PRKN: variants seen among roughly 807,000 people sequenced by gnomAD.
PRKN encodes the protein E3 ubiquitin-protein ligase parkin.
Under a neutral mutation model 59.5 loss-of-function variants are expected in PRKN, and 56 were observed. The ratio of observed to expected loss-of-function variants is 0.94; its 90% CI spans 0.76 to 1.18. The LOEUF is 1.18. Among genes scored for constraint, PRKN ranks in the 50% most tolerant of loss-of-function variants. The probability of loss-of-function intolerance (pLI) is 0.00; values close to 1 mark genes in which losing one functional copy is unlikely to be tolerated. For missense variants in PRKN, 657 were observed against 596.4 expected, an observed-to-expected ratio of 1.10 and a Z score of -1.06; for synonymous variants, 250 against 222.1, an observed-to-expected ratio of 1.13 and a Z score of -1.12.
intron 5 of PRKN, among the ~76,000 whole-genome samples, chr6:162,004,656 G>C (rs1434508355): frequency 2.6e-5 from 4 of 152,142 alleles, no homozygotes; most frequent in Non-Finnish European, 5.9e-5. Flanking sequence ...TTGCAAAATT[G>C]TAGCTTCAGA....
At chr6:162,437,581 C>G (rs1789839903) in intron 2 of PRKN, among the ~76,000 whole-genome samples, 1 of 152,148 alleles carries the variant, frequency 6.6e-6, no homozygotes, top group African/African-American at 2.4e-5. Flanking sequence ...CTCCTCTCAC[C>G]TGCTTCCACC....
intron 6 of PRKN, among the ~76,000 whole-genome samples, chr6:161,798,285 G>C (rs2128209900): frequency 6.6e-6 from 1 of 152,270 alleles, no homozygotes; most frequent in Non-Finnish European, 1.5e-5. Context: ...TTCATGCAAA[G>C]ATGTGACTGT....
chr6:162,726,224 T>C (rs775165021), intron 1 of PRKN, among the ~76,000 whole-genome samples: 7 of 152,204 alleles, frequency 4.6e-5, no homozygotes, highest in Non-Finnish European at 7.3e-5. Flanking sequence ...TCTCTTAAAA[T>C]TATCTGTGCA....
At position 161,527,916 on chromosome 6, in the gene PRKN, G is replaced by A. The variant is rs541980054; in HGVS notation, c.1083+20938C>T. Among the ~76,000 whole-genome samples the A allele has an allele frequency of 1.3e-3, 197 of 152,282 alleles. No homozygotes were observed. Among genetic ancestry groups the A allele is most frequent in the African/African-American group, 4.5e-3 (188 of 41,558 alleles). On this transcript the variant is annotated intron_variant, in intron 9 of 11. Transcript: ENST00000366898. The surrounding 1 kb of genome is among the most constrained non-coding windows in gnomAD (Gnocchi z 4.6). ...TTACCCCAAGGCCACAGGCATTACT[G>A]CCTCCTTTAACACAGCACTGCTTTT...
intron 4 of PRKN, among the ~76,000 whole-genome samples, chr6:162,067,805 G>A (rs1388438597): frequency 6.6e-6 from 1 of 152,220 alleles, no homozygotes; most frequent in Non-Finnish European, 1.5e-5. Flanking sequence ...CTGAGGCTTG[G>A]AGATGCTGAG....
chr6:162,233,827 T>C (rs1253671335), intron 3 of PRKN, among the ~76,000 whole-genome samples: 1 of 152,094 alleles, frequency 6.6e-6, no homozygotes, highest in African/African-American at 2.4e-5. Context: ...GAGAAGGAGA[T>C]ACGAATGGAC....
At chr6:162,261,009 T>C (rs1050842486) in intron 3 of PRKN, among the ~76,000 whole-genome samples, 5 of 152,106 alleles carry the variant, frequency 3.3e-5, no homozygotes, top group African/African-American at 1.2e-4. Flanking sequence ...CAACTGTACA[T>C]GTGAGACACC....
intron 4 of PRKN, among the ~76,000 whole-genome samples, chr6:162,112,243 C>T (rs1373696860): frequency 5.3e-5 from 8 of 152,160 alleles, no homozygotes; most frequent in African/African-American, 1.9e-4. Flanking sequence ...ATTGTGGTAA[C>T]ATTCTTAAAG....
chr6:162,590,777 A>G (rs1781272657), intron 1 of PRKN, among the ~76,000 whole-genome samples: 1 of 152,132 alleles, frequency 6.6e-6, no homozygotes, highest in Non-Finnish European at 1.5e-5. Flanking sequence ...GTGAAAAAAC[A>G]AAACAAAAAC....
At chr6:162,065,324 C>A (rs564023704) in intron 4 of PRKN, among the ~76,000 whole-genome samples, 108 of 152,210 alleles carry the variant, frequency 7.1e-4, no homozygotes, top group African/African-American at 1.8e-3. Context: ...TGTCCAAGGG[C>A]AGGAGGAATG....
chr6:161,513,227 C>T (rs1778458743), intron 9 of PRKN, among the ~76,000 whole-genome samples: 1 of 152,058 alleles, frequency 6.6e-6, no homozygotes, highest in African/African-American at 2.4e-5. Context: ...CTTAAAGATA[C>T]ATGTTTTGTT....
At chr6:162,611,959 G>T (rs1400772391) in intron 1 of PRKN, among the ~76,000 whole-genome samples, 1 of 151,972 alleles carries the variant, frequency 6.6e-6, no homozygotes, top group East Asian at 1.9e-4. Flanking sequence ...GCCAAGGCGG[G>T]CGTATCATAA....
At chr6:162,463,761 T>C (rs573824137) in intron 1 of PRKN, among the ~76,000 whole-genome samples, 4 of 152,292 alleles carry the variant, frequency 2.6e-5, no homozygotes, top group South Asian at 2.1e-4. Context: ...GCTGAGTGAC[T>C]GTATATGATT....
chr6:162,662,882 G>A (rs1452912249), intron 1 of PRKN, among the ~76,000 whole-genome samples: 1 of 152,084 alleles, frequency 6.6e-6, no homozygotes, highest in Non-Finnish European at 1.5e-5. Context: ...TGATTCTGTT[G>A]CACACTGTAG....
intron 3 of PRKN, among the ~76,000 whole-genome samples, chr6:162,226,812 G>A (rs1376169423): frequency 1.3e-5 from 2 of 152,170 alleles, no homozygotes; most frequent in Admixed American, 6.5e-5. Context: ...ATTAACTTGA[G>A]CCTAAGAATT....
intron 9 of PRKN, among the ~76,000 whole-genome samples, chr6:161,517,765 A>AAAAAAAAAT (rs1562499845): frequency 7.0e-6 from 1 of 143,706 alleles, no homozygotes; most frequent in African/African-American, 2.6e-5. Flanking sequence ...AAAAAAAAAA[A>AAAAAAAAAT]GAGTTGAGGT....
rs776121787 is a variant in PRKN at position 161,458,913 on chromosome 6, G to GC, written c.1084-72037_1084-72036insG. ...TATAATTACCAGAAGCCATTTTCAT[G>GC]TTTTTTTTTTTCTTTTTAAAGTGCA... On this transcript the variant is annotated intron_variant, in intron 9 of 11. Transcript: ENST00000366898. The surrounding 1 kb of genome is among the most constrained non-coding windows in gnomAD (Gnocchi z 6.1). Among the ~76,000 whole-genome samples, 9 of 148,812 alleles carry GC rather than the reference G, an allele frequency of 6.0e-5. No individual in the cohort carries two copies. The highest frequency in any genetic ancestry group is 1.2e-4 in the Non-Finnish European group (8 of 66,916).
chr6:162,373,484 G>C (rs886627500), intron 2 of PRKN, among the ~76,000 whole-genome samples: 1 of 152,158 alleles, frequency 6.6e-6, no homozygotes, highest in South Asian at 2.1e-4. Flanking sequence ...TTTCCAACAC[G>C]GGTAAGGGAT....
chr6:162,338,682 G>A (rs1475372672), intron 2 of PRKN, among the ~76,000 whole-genome samples: 1 of 152,050 alleles, frequency 6.6e-6, no homozygotes, highest in African/African-American at 2.4e-5. Flanking sequence ...ACCCTGTCTG[G>A]GAAGTGAGGA....
Sources: allele counts gnomAD v4.1 joint callset (sites outside exome capture counted in the v4.1 genomes callset), GRCh38; gene constraint gnomAD v4.1.1; non-coding constraint Gnocchi (gnomAD v3.1); transcripts MANE v1.5; gene names NCBI Gene and HGNC (gene_info 2026-07-23, HGNC 2026-07-21).